VAT1L: variants seen among roughly 807,000 people sequenced by gnomAD.
VAT1L encodes putative NADPH-dependent quinone oxidoreductase VAT1L.
In VAT1L, 34 loss-of-function variants were observed where a neutral mutation model predicts 44.1. The ratio of observed to expected loss-of-function variants is 0.77; its 90% CI spans 0.59 to 1.03. The LOEUF is 1.03. Among genes scored for constraint, VAT1L ranks in the 50% least tolerant of loss-of-function variants. The pLI, the probability that VAT1L is intolerant of heterozygous loss-of-function variation, is 0.00. For synonymous variants in VAT1L, 253 were observed against 202.2 expected, an observed-to-expected ratio of 1.25 and a Z score of -2.13; for missense variants, 615 against 538.8, an observed-to-expected ratio of 1.14 and a Z score of -1.40.
intron 3 of VAT1L, among the ~76,000 whole-genome samples, chr16:77,860,372 A>G (rs1470313150): frequency 1.3e-5 from 2 of 152,202 alleles, no homozygotes; most frequent in Non-Finnish European, 2.9e-5. Flanking sequence ...TGCCAAAACG[A>G]TAGAGACCCA....
chr16:77,864,756 T>A (rs2016953934), intron 4 of VAT1L, among the ~76,000 whole-genome samples: 1 of 152,114 alleles, frequency 6.6e-6, no homozygotes, highest in African/African-American at 2.4e-5. Flanking sequence ...GTTCTGATGG[T>A]CTTAGTTTTC....
At chr16:77,817,503 A>G (rs981641400) in intron 2 of VAT1L, among the ~76,000 whole-genome samples, 6 of 152,200 alleles carry the variant, frequency 3.9e-5, no homozygotes, top group African/African-American at 1.4e-4. Flanking sequence ...GTAATCATTT[A>G]TAAATCCCTA....
chr16:77,971,987 T>C, intron 8 of VAT1L, 54 bp downstream of exon 8: 1 of 1,545,918 alleles, frequency 6.5e-7, no homozygotes. Context: ...GCACCACGGG[T>C]CAATCAGATG....
At chr16:77,943,697 C>G (rs573066688) in intron 7 of VAT1L, among the ~76,000 whole-genome samples, 1 of 152,108 alleles carries the variant, frequency 6.6e-6, no homozygotes, top group East Asian at 1.9e-4. Context: ...TCACTGCGCC[C>G]GACCCACCCT....
chr16:77,894,148 G>GA (rs1167510336), intron 7 of VAT1L, among the ~76,000 whole-genome samples: 4 of 152,152 alleles, frequency 2.6e-5, no homozygotes, highest in Non-Finnish European at 5.9e-5. Context: ...GGAAAGACCA[G>GA]AACCCTACAA....
chr16:77,830,509 G>T (rs112885085), intron 3 of VAT1L, among the ~76,000 whole-genome samples: 41 of 152,236 alleles, frequency 2.7e-4, no homozygotes, highest in African/African-American at 9.6e-4. Context: ...TCTTTCCCAT[G>T]CTGTTCTTGT....
At chr16:77,870,081 C>A (rs1225737861) in intron 4 of VAT1L, among the ~76,000 whole-genome samples, 1 of 152,200 alleles carries the variant, frequency 6.6e-6, no homozygotes, top group Non-Finnish European at 1.5e-5. Flanking sequence ...ATGGGAACTA[C>A]TAATAGTAAA....
intron 3 of VAT1L, among the ~76,000 whole-genome samples, chr16:77,828,907 A>G (rs2016550983): frequency 6.6e-6 from 1 of 152,156 alleles, no homozygotes; most frequent in Non-Finnish European, 1.5e-5. Flanking sequence ...TCAGACCTCT[A>G]GCAATTTAAT....
rs954416137 is a variant in VAT1L, at chr16:77,808,543, G to A, written c.234-8378G>A. Among the ~76,000 whole-genome samples the A allele has an allele frequency of 2.6e-5, 4 of 152,048 alleles. No homozygotes were observed. The South Asian group carries it at 6.2e-4, about 24-fold the overall frequency. On this transcript the variant is annotated intron_variant, in intron 1 of 8. Transcript: ENST00000302536. Reference sequence around the variant, plus strand: ...CCTGGTGCCAAAAAGGTTTGGGACCGTTGCTCTAGAAGACCACTTGTCATC... The same window carrying A: ...CCTGGTGCCAAAAAGGTTTGGGACCATTGCTCTAGAAGACCACTTGTCATC...
At chr16:77,895,272 C>T (rs2017311711) in intron 7 of VAT1L, among the ~76,000 whole-genome samples, 1 of 152,198 alleles carries the variant, frequency 6.6e-6, no homozygotes, top group Non-Finnish European at 1.5e-5. Context: ...AATTAAGGCA[C>T]AGCTCTGCCT....
chr16:77,826,040 AAAAAAAAAAG>A (rs1233692485), intron 3 of VAT1L, among the ~76,000 whole-genome samples: 12 of 106,504 alleles, frequency 1.1e-4, no homozygotes, highest in Non-Finnish European at 1.8e-4. Context: ...AAAGAAAAAA[AAAAAAAAAAG>A]AAAGAAATTA....
At chr16:77,955,055 T>C (rs147449300) in intron 7 of VAT1L, among the ~76,000 whole-genome samples, 4 of 152,314 alleles carry the variant, frequency 2.6e-5, no homozygotes, top group Middle Eastern at 6.8e-3. Context: ...TGAGCGCCTA[T>C]TGAGCTGTGT....
intron 7 of VAT1L, among the ~76,000 whole-genome samples, chr16:77,922,694 G>C (rs1023314988): frequency 6.6e-6 from 1 of 152,160 alleles, no homozygotes; most frequent in South Asian, 2.1e-4. Context: ...AGTGTTTTAG[G>C]CACTTTTTAG....
chr16:77,807,098 C>T (rs1233337198), intron 1 of VAT1L, among the ~76,000 whole-genome samples: 2 of 152,210 alleles, frequency 1.3e-5, no homozygotes, highest in Non-Finnish European at 2.9e-5. Context: ...GATCTTTCCT[C>T]CTCAGGAACT....
At chr16:77,813,399 C>T (rs956589565) in intron 1 of VAT1L, among the ~76,000 whole-genome samples, 11 of 152,172 alleles carry the variant, frequency 7.2e-5, no homozygotes, top group Admixed American at 1.3e-4. Context: ...ACAGGGACCA[C>T]ACAGGTAGTC....
intron 7 of VAT1L, among the ~76,000 whole-genome samples, chr16:77,939,785 A>T (rs916103303): frequency 6.6e-6 from 1 of 152,198 alleles, no homozygotes; most frequent in African/African-American, 2.4e-5. Flanking sequence ...TTTCCTAATA[A>T]TCATTACACC....
At chr16:77,857,838 T>C (rs1041990179) in intron 3 of VAT1L, among the ~76,000 whole-genome samples, 30 of 119,948 alleles carry the variant, frequency 2.5e-4, no homozygotes, top group African/African-American at 7.8e-4. Context: ...ATCTCTCTCT[T>C]TTTTTTTTTT....
chr16:77,805,608 G>A (rs2016141785), intron 1 of VAT1L, among the ~76,000 whole-genome samples: 1 of 151,990 alleles, frequency 6.6e-6, no homozygotes, highest in South Asian at 2.1e-4. Flanking sequence ...GCTTCTGCCC[G>A]GAGCTGGCAA....
chr16:77,827,942 A>G lies in VAT1L; in HGVS notation c.579+2481A>G, dbSNP rs191132684. ...AAAGCAAGATTTAGTGAGAGCATAT[A>G]TTCTTGGGCCAAAAGGATGTGGTCT... On this transcript the variant is annotated intron_variant, in intron 3 of 8. Transcript: ENST00000302536. Among the ~76,000 whole-genome samples the G allele has an allele frequency of 9.2e-5, 14 of 152,300 alleles. No homozygotes were observed. In the East Asian group the frequency reaches 1.7e-3, roughly 19 times the overall value.
Sources: gnomAD v4.1 joint callset for allele counts (sites outside exome capture counted in the v4.1 genomes callset) on GRCh38, gnomAD v4.1.1 for gene constraint, MANE v1.5 for transcripts, NCBI Gene and HGNC (gene_info 2026-07-23, HGNC 2026-07-21) for gene names.